The following RPL4 variants were observed in gnomAD, a reference collection of about 807,000 sequenced individuals.
RPL4 encodes large ribosomal subunit protein uL4.
RPL4 carries 3 observed loss-of-function variants against 47.7 expected under a neutral mutation model. The observed-to-expected ratio is 0.06, with a 90% CI of 0.03 to 0.16. The LOEUF is 0.16. Ranked by LOEUF, RPL4 falls within the 10% of genes least tolerant of loss-of-function variation. The pLI is 1.00. For synonymous variants in RPL4, 208 were observed against 182.1 expected (o/e 1.14, Z -1.15); for missense variants, 413 against 551.3 (o/e 0.75, Z 2.51).
At chr15:66,499,960 T>G (rs1595894925) in intron 9 of RPL4, 96 bp downstream of exon 9, 2 of 1,444,918 alleles carry the variant, frequency 1.4e-6, no homozygotes, top group Non-Finnish European at 1.9e-6. Context: ...TAGGTGGAGG[T>G]TGCAGTGAGC....
chr15:66,499,495 T>C lies in RPL4; in HGVS notation c.1196A>G (p.Lys399Arg). Residue 399 changes from lysine to arginine, a missense_variant, in exon 10 of 10, where the codon AAA (lysine) becomes AGA (arginine). Physicochemically the swap from Lys to Arg is conservative, Grantham distance 26 (BLOSUM62 2). Around this residue, in one of 4 missense-constraint regions of RPL4, gnomAD observed 134 missense variants for 122.7 expected, o/e 1.09. Transcript: ENST00000307961. ...TGGTTTCTTGGTAGCTGCTGCCTTT[T>C]TTCCCACCAGAGGCTTCTTCTGCTT... ...VKKQKKPLVG[K>R]KAAATKKPAP... 6.2e-7 allele frequency: 1 copy of C among 1,612,100 alleles called. No individual in the cohort carries two copies. Among genetic ancestry groups the C allele is most frequent in the African/African-American group, 1.3e-5 (1 of 74,982 alleles).
intron 7 of RPL4, chr15:66,500,662 G>C (rs909666789): frequency 3.7e-6 from 2 of 541,648 alleles, no homozygotes; most frequent in Non-Finnish European, 3.3e-6. Context: ...CAAGCCTGTA[G>C]TCCCAGGTAC....
intron 9 of RPL4, 164 bp downstream of exon 9, chr15:66,499,892 G>T: frequency 1.0e-6 from 1 of 962,188 alleles, no homozygotes; most frequent in Non-Finnish European, 1.5e-6. Flanking sequence ...ACATGGTGGC[G>T]TGCGCCTGTA....
At chr15:66,502,374 A>C in intron 4 of RPL4, 1 of 501,046 alleles carries the variant, frequency 2.0e-6, no homozygotes, top group Non-Finnish European at 3.5e-6. Flanking sequence ...AAAATTTTTA[A>C]ACCGGTATGT....
In RPL4 at chr15:66,499,164, T is replaced by A. The variant is rs188787942; in HGVS notation, c.*243A>T. ...TTATTTAGAAAACCACAACTTTTTT[T>A]AAATCATTCCCCTTCCACTGAACTC... On this transcript the variant is annotated 3_prime_UTR_variant, in exon 10 of 10. Transcript: ENST00000307961. 238 of 415,774 alleles carry A rather than the reference T, an allele frequency of 5.7e-4. No individual in the cohort carries two copies. Among genetic ancestry groups the A allele is most frequent in the East Asian group, 4.8e-3 (110 of 23,082 alleles). The allele number at this position is 415,774 out of a possible 1,614,324, so 25.8% of individuals were successfully genotyped here.
In RPL4 at chr15:66,501,772, T is replaced by C; in HGVS notation, c.546+16A>G. 6.2e-7 allele frequency: 1 copy of C among 1,606,048 alleles called. No homozygotes were observed. The highest frequency in any genetic ancestry group is 8.5e-7 in the Non-Finnish European group (1 of 1,178,272). ...AACAAGGAGTACCAAACTGTAAATG[T>C]GCTCATTGAACGGACCTTTTTGATA... On this transcript the variant is annotated intron_variant, in intron 5 of 9. Coordinates refer to ENST00000307961, the MANE Select transcript of RPL4 (RefSeq NM_000968.4).
chr15:66,500,918 C>T, intron 7 of RPL4, 31 bp downstream of exon 7: 1 of 1,601,688 alleles, frequency 6.2e-7, no homozygotes, highest in South Asian at 1.1e-5. Flanking sequence ...ACAATATAAA[C>T]ATCTGTGCTT....
chr15:66,500,217 T>C, intron 8 of RPL4, 41 bp from the exon 9 acceptor site: 8 of 1,613,650 alleles, frequency 5.0e-6, no homozygotes, highest in Non-Finnish European at 6.8e-6. Flanking sequence ...TTACTTAACA[T>C]TATACACATA....
chr15:66,503,634 G>A, intron 1 of RPL4, 105 bp from the exon 2 acceptor site: 1 of 1,263,200 alleles, frequency 7.9e-7, no homozygotes, highest in South Asian at 1.6e-5. Context: ...GAAGAGACTG[G>A]TATGGTGAGG....
chr15:66,499,816 G>A, intron 9 of RPL4, 164 bp from the exon 10 acceptor site: 2 of 1,005,356 alleles, frequency 2.0e-6, no homozygotes, highest in Non-Finnish European at 2.9e-6. Context: ...CTGAGGTCAG[G>A]AGTTTGAGAC....
intron 5 of RPL4, 44 bp from the exon 6 acceptor site, chr15:66,501,548 C>G: frequency 1.9e-6 from 3 of 1,608,596 alleles, no homozygotes; most frequent in East Asian, 2.2e-5. Context: ...GATAGAATCT[C>G]TGCAATAGAT....
In RPL4 at chr15:66,500,424, G is replaced by A. The variant is rs763311785; in HGVS notation, c.834-48C>T. ...GTACATGTAAAAGTAATCAACCAAA[G>A]AACAGGAAGCTCAACTGAAGCTTTA... On this transcript the variant is annotated intron_variant, in intron 7 of 9. Coordinates refer to ENST00000307961, the MANE Select transcript of RPL4 (RefSeq NM_000968.4). 5.5e-5 allele frequency: 82 copies of A among 1,500,160 alleles called. No individual in the cohort carries two copies. In the South Asian group the frequency reaches 9.2e-4, roughly 17 times the overall value. 92.9% of individuals were successfully genotyped at this position (1,500,160 alleles called of 1,614,324 possible).
intron 2 of RPL4, 86 bp downstream of exon 2, chr15:66,503,272 G>C: frequency 6.3e-7 from 1 of 1,591,430 alleles, no homozygotes; most frequent in Middle Eastern, 1.7e-4. Context: ...AAATCATGTG[G>C]TTCAGAAACA....
chr15:66,502,552 G>T, intron 4 of RPL4, 60 bp downstream of exon 4: 2 of 1,553,136 alleles, frequency 1.3e-6, no homozygotes, highest in African/African-American at 1.4e-5. Context: ...TCACCCTAAT[G>T]ATCAAATAGT....
rs532024567 is a variant in RPL4 at position 66,501,368 on chromosome 15, T to C, written c.676+7A>G. 1.8e-5 allele frequency: 29 copies of C among 1,614,160 alleles called. No homozygotes were observed. The African/African-American group carries it at 3.9e-4, about 22-fold the overall frequency. ...ACCTAGTCAATATATGTAAGCAGTT[T>C]AATTACCAGGGATGTTTCTGAAGGC... On this transcript the variant is annotated splice_region_variant and intron_variant, in intron 6 of 9. Transcript: ENST00000307961.
chr15:66,499,892 G>A (rs1199715110), intron 9 of RPL4, 164 bp downstream of exon 9: 49 of 962,070 alleles, frequency 5.1e-5, no homozygotes, highest in Middle Eastern at 3.3e-4. Context: ...ACATGGTGGC[G>A]TGCGCCTGTA....
chr15:66,500,853 G>A (rs1467159650), intron 7 of RPL4, 96 bp downstream of exon 7: 7 of 1,434,186 alleles, frequency 4.9e-6, no homozygotes, highest in Non-Finnish European at 5.7e-6. Context: ...TGCACATAAG[G>A]GGAAATGGGA....
Position 66,500,120 on chromosome 15 carries a change from A to G in RPL4, c.974T>C (p.Met325Thr). 3 of 1,613,076 alleles carry G rather than the reference A, an allele frequency of 1.9e-6. No individual in the cohort carries two copies. The highest frequency in any genetic ancestry group is 2.5e-6 in the Non-Finnish European group (3 of 1,179,900). ...CTTTGCATATGGGTTTAGCTTCAAC[A>G]TGATTCTCAAGTTTTTCAGTGGGTT... is the stretch of plus-strand genomic sequence containing the variant. Reference protein sequence around the residue: ...KKNPLKNLRIMLKLNPYAKTM... With the variant: ...KKNPLKNLRITLKLNPYAKTM... The change falls in exon 9 of 10, where the codon ATG (methionine) becomes ACG (threonine). Residue 325 changes from methionine to threonine, a missense_variant. By Grantham distance (81) the Met-to-Thr change is moderately conservative. Coordinates refer to ENST00000307961, the MANE Select transcript of RPL4 (RefSeq NM_000968.4).
rs184159296 is a variant in RPL4 at position 66,502,891 on chromosome 15, C to T, written c.283-141G>A. 6.0e-4 allele frequency: 827 copies of T among 1,376,198 alleles called. 2 individuals carry two copies. Among genetic ancestry groups the T allele is most frequent in the Non-Finnish European group, 5.3e-4 (510 of 963,808 alleles). 85.2% of individuals were successfully genotyped at this position (1,376,198 alleles called of 1,614,324 possible). ...CTGTCGCTGAGAACAGAGTAAGACG[C>T]AAATTACGACATCATTGCAAGCAAA... On this transcript the variant is annotated intron_variant, in intron 3 of 9. Transcript: ENST00000307961.
Sources: gnomAD v4.1 joint callset for allele counts on GRCh38, gnomAD v4.1.1 for gene constraint, gnomAD v4.1.1 regional missense constraint, MANE v1.5 for transcripts, NCBI Gene and HGNC (gene_info 2026-07-23, HGNC 2026-07-21) for gene names.